PRKAG2: variants seen among roughly 807,000 people sequenced by gnomAD.
The protein encoded by PRKAG2 is protein kinase AMP-activated non-catalytic subunit gamma 2, also known as 5'-AMP-activated protein kinase subunit gamma-2.
In PRKAG2, 26 loss-of-function variants were observed where a neutral mutation model predicts 69.6. That is an observed-to-expected ratio of 0.37 (90% CI 0.27 to 0.52). The LOEUF (loss-of-function observed/expected upper bound fraction) is 0.52. PRKAG2 is among the 20% of genes least tolerant of loss of function. The probability of loss-of-function intolerance (pLI) is 0.90; values close to 1 mark genes in which losing one functional copy is unlikely to be tolerated. For missense variants in PRKAG2, 557 were observed against 740.0 expected (o/e 0.75, Z 2.87); for synonymous variants, 293 against 285.0 (o/e 1.03, Z -0.28).
chr7:151,695,049 G>T (rs1214330303), intron 3 of PRKAG2, among the ~76,000 whole-genome samples: 1 of 152,198 alleles, frequency 6.6e-6, no homozygotes, highest in African/African-American at 2.4e-5. Flanking sequence ...CTGCCTTCCT[G>T]CAGCCAAGTT....
rs1318839249 is a variant in PRKAG2, at chr7:151,780,912, C to A, written c.466+240G>T. Among the ~76,000 whole-genome samples, 1 of 152,102 alleles carries A rather than the reference C, an allele frequency of 6.6e-6. No homozygotes were observed. The highest frequency in any genetic ancestry group is 2.4e-5 in the African/African-American group (1 of 41,404). ...GTTTACAGTTAACCCAAGGACCTTG[C>A]TGGACCAGAAGGATTACGCTTTGAT... is the stretch of plus-strand genomic sequence containing the variant. On this transcript the variant is annotated intron_variant, in intron 3 of 15. Coordinates refer to ENST00000287878, the MANE Select transcript of PRKAG2 (RefSeq NM_016203.4). The surrounding 1 kb of genome is among the most constrained non-coding windows in gnomAD (Gnocchi z 4.2).
At chr7:151,843,074 G>C (rs576467037) in intron 1 of PRKAG2, among the ~76,000 whole-genome samples, 42 of 152,064 alleles carry the variant, frequency 2.8e-4, no homozygotes, top group Non-Finnish European at 5.7e-4. Context: ...CATGCTTTTA[G>C]TCATGCAAAC....
chr7:151,869,325 A>G (rs764585735), intron 1 of PRKAG2, among the ~76,000 whole-genome samples: 3 of 152,188 alleles, frequency 2.0e-5, no homozygotes, highest in Non-Finnish European at 4.4e-5. Flanking sequence ...TTTATATAAG[A>G]ATCTTGGAAC....
At chr7:151,704,578 A>G (rs967799999) in intron 3 of PRKAG2, among the ~76,000 whole-genome samples, 8 of 152,222 alleles carry the variant, frequency 5.3e-5, no homozygotes, top group East Asian at 1.9e-4. Context: ...ATGATGCTGT[A>G]TGAACATTCT....
chr7:151,715,969 T>C (rs1796120291), intron 3 of PRKAG2, among the ~76,000 whole-genome samples: 3 of 152,142 alleles, frequency 2.0e-5, no homozygotes, highest in Middle Eastern at 6.8e-3. Context: ...ATAGATGAAA[T>C]GATATGTCTT....
chr7:151,574,131 G>A (rs1808345029), intron 8 of PRKAG2, among the ~76,000 whole-genome samples: 1 of 152,132 alleles, frequency 6.6e-6, no homozygotes, highest in Admixed American at 6.6e-5. Flanking sequence ...AGAATTATTG[G>A]ATAATACTGA....
chr7:151,748,527 A>G (rs1002368044), intron 3 of PRKAG2, among the ~76,000 whole-genome samples: 1 of 152,202 alleles, frequency 6.6e-6, no homozygotes, highest in Non-Finnish European at 1.5e-5. Context: ...TTGACGAGGC[A>G]TATGATTTTT....
intron 4 of PRKAG2, among the ~76,000 whole-genome samples, chr7:151,633,359 G>T (rs1013303217): frequency 1.3e-5 from 2 of 152,036 alleles, no homozygotes; most frequent in Admixed American, 1.3e-4. Flanking sequence ...CCAGGCCAGG[G>T]TGTCTGCTCT....
chr7:151,665,006 T>C (rs1331805944), intron 4 of PRKAG2, among the ~76,000 whole-genome samples: 1 of 152,256 alleles, frequency 6.6e-6, no homozygotes, highest in African/African-American at 2.4e-5. Flanking sequence ...ACCAAAATGA[T>C]GCTAATCCAA....
rs796275647 is a variant in PRKAG2, at chr7:151,557,883, A to AC, written c.1679-652_1679-651insG. 8.3e-4 allele frequency: 804 copies of AC among 964,020 alleles called. 7 individuals carry two copies. In the African/African-American group the frequency reaches 0.016, roughly 19 times the overall value. The allele number at this position is 964,020 out of a possible 1,614,324, so 59.7% of individuals were successfully genotyped here. On this transcript the variant is annotated intron_variant, in intron 15 of 15. Transcript: ENST00000287878. ...GTGAAACTCCGTCTCAAATAAAAAA[A>AC]AAAAAAACAAAAAAACAAAAAAAAA...
chr7:151,758,329 G>T (rs942961297), intron 3 of PRKAG2, among the ~76,000 whole-genome samples: 1 of 152,190 alleles, frequency 6.6e-6, no homozygotes, highest in Non-Finnish European at 1.5e-5. Flanking sequence ...ATGATTTTAG[G>T]GTTCTGGGAA....
At chr7:151,637,936 G>A (rs925815617) in intron 4 of PRKAG2, among the ~76,000 whole-genome samples, 6 of 152,136 alleles carry the variant, frequency 3.9e-5, no homozygotes, top group East Asian at 1.9e-4. Context: ...AGGGAAAGCC[G>A]GGAGAAGAGG....
chr7:151,821,050 A>AAAGTAG (rs2078761954), intron 1 of PRKAG2, among the ~76,000 whole-genome samples: 2 of 152,278 alleles, frequency 1.3e-5, no homozygotes, highest in African/African-American at 4.8e-5. Context: ...GGCCAGAAGG[A>AAAGTAG]AAGCTGTGGA....
intron 3 of PRKAG2, among the ~76,000 whole-genome samples, chr7:151,740,416 G>A (rs1481130209): frequency 6.6e-6 from 1 of 151,814 alleles, no homozygotes; most frequent in Non-Finnish European, 1.5e-5. Flanking sequence ...CAGCCCTGCT[G>A]ATACGAACCC....
At chr7:151,737,425 C>T (rs1172586779) in intron 3 of PRKAG2, among the ~76,000 whole-genome samples, 1 of 151,964 alleles carries the variant, frequency 6.6e-6, no homozygotes, top group Non-Finnish European at 1.5e-5. Context: ...AATGACTATG[C>T]ACATGAGGAG....
intron 3 of PRKAG2, among the ~76,000 whole-genome samples, chr7:151,722,495 C>T (rs972704098): frequency 6.6e-6 from 1 of 152,156 alleles, no homozygotes; most frequent in Non-Finnish European, 1.5e-5. Context: ...CTTACCCCAG[C>T]TCCCTCCCCA....
chr7:151,847,034 G>C (rs2079448659), intron 1 of PRKAG2, among the ~76,000 whole-genome samples: 3 of 152,212 alleles, frequency 2.0e-5, no homozygotes, highest in Admixed American at 1.3e-4. Flanking sequence ...GGCTGGGTGA[G>C]GGACTGCTAG....
At chr7:151,848,886 T>G (rs2079503468) in intron 1 of PRKAG2, among the ~76,000 whole-genome samples, 1 of 152,148 alleles carries the variant, frequency 6.6e-6, no homozygotes. Flanking sequence ...ATAAATAACT[T>G]TAAAAATTAA....
At chr7:151,588,269 G>A (rs7811537) in intron 6 of PRKAG2, among the ~76,000 whole-genome samples, 27,561 of 151,882 alleles carry the variant, frequency 0.18, 2,905 homozygotes, top group African/African-American at 0.28. Flanking sequence ...TAATTCCCAC[G>A]TGTCATGGGA....
Sources: allele counts gnomAD v4.1 joint callset (sites outside exome capture counted in the v4.1 genomes callset), GRCh38; gene constraint gnomAD v4.1.1; non-coding constraint Gnocchi (gnomAD v3.1); transcripts MANE v1.5; gene names NCBI Gene and HGNC (gene_info 2026-07-23, HGNC 2026-07-21).